The following TXK variants were observed in gnomAD, a reference collection of about 807,000 sequenced individuals.
TXK encodes the protein TXK tyrosine kinase, also known as tyrosine-protein kinase TXK.
A neutral mutation model predicts 81.0 loss-of-function variants in TXK; 60 were observed. The ratio of observed to expected loss-of-function variants is 0.74; its 90% CI spans 0.60 to 0.92. The LOEUF is 0.92. TXK is among the 40% of genes least tolerant of loss of function. The pLI, the probability that TXK is intolerant of heterozygous loss-of-function variation, is 0.00. For missense variants in TXK, 581 were observed against 638.3 expected, an observed-to-expected ratio of 0.91 and a Z score of 0.97; for synonymous variants, 203 against 210.7, an observed-to-expected ratio of 0.96 and a Z score of 0.32.
At position 48,100,791 on chromosome 4, in the gene TXK, A is replaced by G; in HGVS notation, c.501+4110T>C. 2.0e-5 allele frequency among the ~76,000 whole-genome samples: 3 copies of G among 152,340 alleles called. 1 individual carries two copies. Among genetic ancestry groups the G allele is most frequent in the Middle Eastern group, 3.4e-3 (1 of 294 alleles). On this transcript the variant is annotated intron_variant, in intron 6 of 14. Transcript: ENST00000264316. ...AAGAAATGTATACTATTTAATTTTC[A>G]TAATGAAGAATTGGTTTTAAAAATT...
chr4:48,116,469 G>T (rs1440660853), intron 1 of TXK, among the ~76,000 whole-genome samples: 2 of 152,184 alleles, frequency 1.3e-5, no homozygotes, highest in South Asian at 2.1e-4. Flanking sequence ...TTTATAAAAG[G>T]AAGTATAGAG....
intron 1 of TXK, among the ~76,000 whole-genome samples, chr4:48,117,551 C>G (rs751595223): frequency 2.0e-5 from 3 of 152,168 alleles, no homozygotes; most frequent in Admixed American, 6.5e-5. Context: ...GGCAGTTCAA[C>G]TTTCAATATT....
chr4:48,094,737 G>A (rs1717915053), intron 7 of TXK, among the ~76,000 whole-genome samples: 1 of 152,098 alleles, frequency 6.6e-6, no homozygotes, highest in Non-Finnish European at 1.5e-5. Context: ...ATTGCTCCTG[G>A]GATGTTACCT....
chr4:48,102,178 C>G (rs1265245159), intron 6 of TXK, among the ~76,000 whole-genome samples: 2 of 151,842 alleles, frequency 1.3e-5, no homozygotes, highest in African/African-American at 4.9e-5. Context: ...GGGGTTTCAT[C>G]ATGTTGGCCA....
intron 11 of TXK, among the ~76,000 whole-genome samples, chr4:48,078,883 G>A (rs966936239): frequency 1.3e-5 from 2 of 152,166 alleles, no homozygotes; most frequent in Non-Finnish European, 2.9e-5. Flanking sequence ...CATATACTAG[G>A]CACTTGATAC....
At chr4:48,126,468 C>G (rs990983184) in intron 1 of TXK, among the ~76,000 whole-genome samples, 1 of 152,132 alleles carries the variant, frequency 6.6e-6, no homozygotes, top group Non-Finnish European at 1.5e-5. Context: ...CCACCTTATT[C>G]AAGTGTCAAC....
At chr4:48,131,925 G>A (rs930508842) in intron 1 of TXK, among the ~76,000 whole-genome samples, 7 of 152,028 alleles carry the variant, frequency 4.6e-5, no homozygotes, top group African/African-American at 1.2e-4. Context: ...CTGCTTTGTC[G>A]CTTTTTCTGC....
At chr4:48,105,418 C>T (rs1285806906) in intron 5 of TXK, among the ~76,000 whole-genome samples, 2 of 152,010 alleles carry the variant, frequency 1.3e-5, no homozygotes, top group African/African-American at 2.4e-5. Context: ...AAGTATATTA[C>T]GTCATAGTAT....
chr4:48,114,539 C>A, intron 1 of TXK, 137 bp from the exon 2 acceptor site: 3 of 848,030 alleles, frequency 3.5e-6, no homozygotes, highest in Middle Eastern at 2.4e-4. Context: ...TAGTGGAAGA[C>A]AAATAACTGT....
intron 14 of TXK, among the ~76,000 whole-genome samples, chr4:48,068,404 G>T (rs1024662307): frequency 4.7e-4 from 72 of 152,292 alleles, no homozygotes; most frequent in African/African-American, 1.6e-3. Flanking sequence ...AAAGCAAAAG[G>T]CATGTTTTCA....
intron 1 of TXK, among the ~76,000 whole-genome samples, chr4:48,122,925 G>A (rs1044158887): frequency 6.6e-6 from 1 of 152,206 alleles, no homozygotes; most frequent in Non-Finnish European, 1.5e-5. Flanking sequence ...AGTCTATGTA[G>A]TAGGGAGGCT....
chr4:48,119,414 T>C (rs1373364271), intron 1 of TXK, among the ~76,000 whole-genome samples: 1 of 152,214 alleles, frequency 6.6e-6, no homozygotes, highest in Non-Finnish European at 1.5e-5. Flanking sequence ...ATGGACAGAC[T>C]GATGGTCCAA....
Position 48,079,797 on chromosome 4 carries a change from A to C in TXK, c.1173+115T>G, listed in dbSNP as rs1717221907. On this transcript the variant is annotated intron_variant, in intron 11 of 14. Transcript: ENST00000264316. ...TTTACAACAAATTGCATGAATAGGT[A>C]AATGTTTAAAAATTAAATCAAGGAC... The C allele has an allele frequency of 7.6e-6, 6 of 790,886 alleles. No individual in the cohort carries two copies. The Admixed American group carries it at 1.4e-4, about 18-fold the overall frequency. 49.0% of individuals were successfully genotyped at this position (790,886 alleles called of 1,614,324 possible). A position where few individuals can be genotyped will look rare whatever the true frequency, so the allele number is the denominator to read the frequency against.
At chr4:48,099,945 G>A (rs993552302) in intron 6 of TXK, among the ~76,000 whole-genome samples, 1 of 152,066 alleles carries the variant, frequency 6.6e-6, no homozygotes, top group Non-Finnish European at 1.5e-5. Flanking sequence ...AGCACTTTGG[G>A]AGGCCGAGGC....
chr4:48,078,848 C>A (rs553041524), intron 11 of TXK, among the ~76,000 whole-genome samples: 1 of 152,234 alleles, frequency 6.6e-6, no homozygotes, highest in East Asian at 1.9e-4. Context: ...ACTGTTGTAT[C>A]TCCAGTGCTT....
chr4:48,102,750 T>C (rs959517733), intron 6 of TXK, among the ~76,000 whole-genome samples: 24 of 152,220 alleles, frequency 1.6e-4, no homozygotes, highest in Admixed American at 3.3e-4. Context: ...TATAGTCATA[T>C]GAAATATGCT....
At chr4:48,131,443 T>G (rs917195556) in intron 1 of TXK, among the ~76,000 whole-genome samples, 2 of 151,528 alleles carry the variant, frequency 1.3e-5, no homozygotes, top group African/African-American at 4.8e-5. Context: ...GCTGGACTTT[T>G]TTTGTTTGTT....
chr4:48,098,646 A>G (rs1718073342), intron 6 of TXK, among the ~76,000 whole-genome samples: 1 of 152,184 alleles, frequency 6.6e-6, no homozygotes, highest in African/African-American at 2.4e-5. Flanking sequence ...ATCGTGCTAT[A>G]TGTGGAAATC....
At chr4:48,126,462 C>T (rs984780918) in intron 1 of TXK, among the ~76,000 whole-genome samples, 3 of 152,156 alleles carry the variant, frequency 2.0e-5, no homozygotes, top group Non-Finnish European at 4.4e-5. Context: ...GGGGAACCAC[C>T]TTATTCAAGT....
Sources: allele counts gnomAD v4.1 joint callset (sites outside exome capture counted in the v4.1 genomes callset), GRCh38; gene constraint gnomAD v4.1.1; transcripts MANE v1.5; gene names NCBI Gene and HGNC (gene_info 2026-07-23, HGNC 2026-07-21).